Variants in RTF1 observed in about 807,000 individuals in gnomAD.
RTF1 encodes RTF1 homolog, Paf1/RNA polymerase II complex component, also known as RNA polymerase-associated protein RTF1 homolog.
Under a neutral mutation model 95.7 loss-of-function variants are expected in RTF1, and 10 were observed. The ratio of observed to expected loss-of-function variants is 0.10; its 90% CI spans 0.06 to 0.18. The LOEUF (loss-of-function observed/expected upper bound fraction) is 0.18, where lower values mean the gene tolerates loss of function less well. Among genes scored for constraint, RTF1 ranks in the 10% least tolerant of loss-of-function variants. RTF1 has a pLI of 1.00. For missense variants in RTF1, 458 were observed against 875.6 expected, an observed-to-expected ratio of 0.52 and a Z score of 6.02; for synonymous variants, 305 against 311.8, an observed-to-expected ratio of 0.98 and a Z score of 0.23.
At chr15:41,433,133 A>T (rs187773902) in intron 1 of RTF1, among the ~76,000 whole-genome samples, 6 of 152,044 alleles carry the variant, frequency 3.9e-5, no homozygotes, top group Non-Finnish European at 8.8e-5. Context: ...CTATAGTCCC[A>T]GCTACTTGGG....
At position 41,436,382 on chromosome 15, in the gene RTF1, G is replaced by A. The variant is rs191774463; in HGVS notation, c.199-1939G>A. 1.8e-3 allele frequency among the ~76,000 whole-genome samples: 278 copies of A among 151,610 alleles called. 1 individual carries two copies. Among genetic ancestry groups the A allele is most frequent in the South Asian group, 3.3e-3 (16 of 4,794 alleles). On this transcript the variant is annotated intron_variant, in intron 1 of 17. Transcript: ENST00000389629. ...TGAGGCAGGAGAATGGTGTGAACCC[G>A]GGAGGCCGATCTTGCAGTGAGCCAA... is the stretch of plus-strand genomic sequence containing the variant.
intron 2 of RTF1, among the ~76,000 whole-genome samples, chr15:41,445,947 A>G (rs572562005): frequency 1.3e-5 from 2 of 152,216 alleles, no homozygotes; most frequent in African/African-American, 4.8e-5. Flanking sequence ...TATGTTGGCC[A>G]GGCTGGTCTC....
chr15:41,464,718 C>T, intron 4 of RTF1, 53 bp from the exon 5 acceptor site: 2 of 1,423,176 alleles, frequency 1.4e-6, no homozygotes, highest in Non-Finnish European at 1.9e-6. Context: ...TAATAGAAAT[C>T]AGTTTTTATA....
intron 1 of RTF1, among the ~76,000 whole-genome samples, chr15:41,431,673 A>G (rs1016119867): frequency 2.0e-5 from 3 of 151,560 alleles, no homozygotes; most frequent in African/African-American, 7.3e-5. Flanking sequence ...GAGTTTTTGG[A>G]TTTTTTGTAC....
In RTF1 at chr15:41,425,061, C is replaced by T. The variant is rs190554014; in HGVS notation, c.198+7748C>T. Among the ~76,000 whole-genome samples the T allele has an allele frequency of 6.4e-4, 96 of 150,404 alleles. 1 individual carries two copies. The highest frequency in any genetic ancestry group is 2.2e-3 in the East Asian group (11 of 4,898). On this transcript the variant is annotated intron_variant, in intron 1 of 17. Coordinates refer to ENST00000389629, the MANE Select transcript of RTF1 (RefSeq NM_015138.5). ...AGCCACTGGAGGGCGTCAGCCTCCC[C>T]GGTGGCTGGGACTGCAAGTGTGTGC... is the stretch of plus-strand genomic sequence containing the variant.
In RTF1 at chr15:41,482,505, A is replaced by C. The variant is rs572359645; in HGVS notation, c.*1818A>C. On this transcript the variant is annotated 3_prime_UTR_variant, in exon 18 of 18. Coordinates refer to ENST00000389629, the MANE Select transcript of RTF1 (RefSeq NM_015138.5). Reference sequence around the variant, plus strand: ...ACTTGGTAACTTCTGGGTTTAGTAGAGCCTCAGTGTCGCTTTAACTTAGTT... The same window carrying C: ...ACTTGGTAACTTCTGGGTTTAGTAGCGCCTCAGTGTCGCTTTAACTTAGTT... 1.8e-4 allele frequency: 27 copies of C among 152,500 alleles called. No homozygotes were observed. The highest frequency in any genetic ancestry group is 6.0e-4 in the African/African-American group (25 of 41,584). 9.4% of individuals were successfully genotyped at this position (152,500 alleles called of 1,614,324 possible).
At position 41,482,343 on chromosome 15, in the gene RTF1, G is replaced by C. The variant is rs1176081230; in HGVS notation, c.*1656G>C. 6.6e-6 allele frequency: 1 copy of C among 152,574 alleles called. No homozygotes were observed. The highest frequency in any genetic ancestry group is 1.5e-5 in the Non-Finnish European group (1 of 68,034). 9.5% of individuals were successfully genotyped at this position (152,574 alleles called of 1,614,324 possible). ...ATATATACCAAGAGCTAAGCTAAAGGAACAGCTGAGAGCTCCGATCTCCAC... is the reference window on the plus strand; with the variant it reads ...ATATATACCAAGAGCTAAGCTAAAGCAACAGCTGAGAGCTCCGATCTCCAC... On this transcript the variant is annotated 3_prime_UTR_variant, in exon 18 of 18. Transcript: ENST00000389629.
chr15:41,452,777 A>G, intron 2 of RTF1, 124 bp from the exon 3 acceptor site: 1 of 707,174 alleles, frequency 1.4e-6, no homozygotes, highest in South Asian at 3.3e-5. Flanking sequence ...TTTTTTTCAT[A>G]TGAAGTGTAT....
At chr15:41,443,463 C>T (rs958086815) in intron 2 of RTF1, among the ~76,000 whole-genome samples, 33 of 152,120 alleles carry the variant, frequency 2.2e-4, no homozygotes, top group Non-Finnish European at 3.8e-4. Flanking sequence ...TGGTGTGGCA[C>T]TTTGATGCTG....
At chr15:41,449,307 T>C (rs910516489) in intron 2 of RTF1, among the ~76,000 whole-genome samples, 1 of 145,314 alleles carries the variant, frequency 6.9e-6, no homozygotes, top group Non-Finnish European at 1.5e-5. Flanking sequence ...CTCGGCTCAC[T>C]GCAAGCTCCG....
chr15:41,444,922 T>A (rs2050753314), intron 2 of RTF1, among the ~76,000 whole-genome samples: 1 of 151,890 alleles, frequency 6.6e-6, no homozygotes, highest in Non-Finnish European at 1.5e-5. Context: ...TTATTTTTAT[T>A]TTATTTTATT....
intron 1 of RTF1, among the ~76,000 whole-genome samples, chr15:41,431,581 T>A (rs956498368): frequency 6.6e-6 from 1 of 152,098 alleles, no homozygotes; most frequent in Admixed American, 6.6e-5. Context: ...TTCACTGCAC[T>A]CTCAACCACC....
At chr15:41,472,674 C>T (rs973034606) in intron 8 of RTF1, among the ~76,000 whole-genome samples, 10 of 151,066 alleles carry the variant, frequency 6.6e-5, no homozygotes, top group Admixed American at 4.0e-4. Context: ...TGCGCCACCA[C>T]GCCTGGCTGA....
At chr15:41,462,728 AGATT>A in intron 4 of RTF1, among the ~76,000 whole-genome samples, 1 of 152,046 alleles carries the variant, frequency 6.6e-6, no homozygotes, top group African/African-American at 2.4e-5. Context: ...CTGTCTCTCT[AGATT>A]TGCCTATTCT....
chr15:41,478,477 G>A, intron 14 of RTF1, 71 bp from the exon 15 acceptor site: 1 of 1,040,628 alleles, frequency 9.6e-7, no homozygotes, highest in Non-Finnish European at 1.5e-6. Flanking sequence ...AGACTTATTT[G>A]CCTGTGAGCT....
chr15:41,426,924 C>T (rs1301049429), intron 1 of RTF1, among the ~76,000 whole-genome samples: 3 of 149,296 alleles, frequency 2.0e-5, no homozygotes, highest in Non-Finnish European at 3.0e-5. Flanking sequence ...TCACTGCAAC[C>T]TCCACCTCCC....
At chr15:41,456,479 ACT>A (rs1407353765) in intron 3 of RTF1, among the ~76,000 whole-genome samples, 5 of 137,796 alleles carry the variant, frequency 3.6e-5, no homozygotes, top group African/African-American at 5.5e-5. Flanking sequence ...ACAGAGAGAG[ACT>A]CTGTCTCAAA....
At position 41,438,435 on chromosome 15, in the gene RTF1, G is replaced by A. The variant is rs2050715747; in HGVS notation, c.309+4G>A. On this transcript the variant is annotated splice_donor_region_variant and intron_variant, in intron 2 of 17. Transcript: ENST00000389629. ...GACGTCTGACAGTGACGATGAGGTG[G>A]GTGTGGAGGGCCTCGGCTTCTGGGA... The A allele has an allele frequency of 1.3e-6, 2 of 1,543,100 alleles. No homozygotes were observed. The highest frequency in any genetic ancestry group is 1.4e-5 in the African/African-American group (1 of 72,990).
At chr15:41,464,930 T>TTGTGTG in intron 5 of RTF1, 45 bp downstream of exon 5, 1 of 1,424,358 alleles carries the variant, frequency 7.0e-7, no homozygotes, top group African/African-American at 1.9e-5. Flanking sequence ...TAAACCTGTT[T>TTGTGTG]TGAGTGTGTG....
Sources: gnomAD v4.1 joint callset for allele counts (sites outside exome capture counted in the v4.1 genomes callset) on GRCh38, gnomAD v4.1.1 for gene constraint, MANE v1.5 for transcripts, NCBI Gene and HGNC (gene_info 2026-07-23, HGNC 2026-07-21) for gene names.